Variants in LIG3 observed in about 807,000 individuals in gnomAD.
LIG3 encodes ligase II, DNA, ATP-dependent.
A neutral mutation model predicts 110.9 loss-of-function variants in LIG3; 58 were observed. The ratio of observed to expected loss-of-function variants is 0.52; its 90% CI spans 0.42 to 0.65. The LOEUF is 0.65. Among genes scored for constraint, LIG3 ranks in the 30% least tolerant of loss-of-function variants. LIG3 has a pLI of 0.00. For missense variants in LIG3, 1,094 were observed against 1,273.8 expected, an observed-to-expected ratio of 0.86 and a Z score of 2.15; for synonymous variants, 422 against 472.8, an observed-to-expected ratio of 0.89 and a Z score of 1.39.
intron 9 of LIG3, 60 bp from the exon 10 acceptor site, chr17:34,996,004 C>G: frequency 6.4e-7 from 1 of 1,573,682 alleles, no homozygotes; most frequent in Non-Finnish European, 8.6e-7. Context: ...CCCTCCATGG[C>G]ATGGTTTGAG....
chr17:34,998,657 G>A lies in LIG3; in HGVS notation c.2043G>A (p.Leu681=). The change falls in exon 14 of 20, where the codon TTG becomes TTA. Residue 681 remains leucine (L), a synonymous_variant. Coordinates refer to ENST00000378526, the MANE Select transcript of LIG3 (RefSeq NM_013975.4). ...GGCTGAAAGTGAAGAAAGACTATTT[G>A]AACGAGGGGGCCATGGCCGACACAG... The part of the protein sequence containing the change: ...RHWLKVKKDY[L]NEGAMADTAD... 6.2e-7 allele frequency: 1 copy of A among 1,614,206 alleles called. No individual in the cohort carries two copies. Among genetic ancestry groups the A allele is most frequent in the Non-Finnish European group, 8.5e-7 (1 of 1,180,032 alleles).
rs2090885197 is a variant in LIG3 at position 35,005,133 on chromosome 17, A to G, written c.*627A>G. 2.8e-6 allele frequency: 1 copy of G among 356,592 alleles called. No individual in the cohort carries two copies. Among genetic ancestry groups the G allele is most frequent in the Non-Finnish European group, 5.5e-6 (1 of 180,482 alleles). The allele number at this position is 356,592 out of a possible 1,614,324, so 22.1% of individuals were successfully genotyped here. A position where few individuals can be genotyped will look rare whatever the true frequency, so the allele number is the denominator to read the frequency against. ...AGGGAGGGGACTAGGGTCAGGTAGG[A>G]AAATGGGGCCTTTATGAAGAAAGGG... On this transcript the variant is annotated 3_prime_UTR_variant, in exon 20 of 20. Transcript: ENST00000378526.
intron 4 of LIG3, among the ~76,000 whole-genome samples, chr17:34,990,454 AT>A (rs1292126556): frequency 2.0e-5 from 3 of 152,036 alleles, no homozygotes; most frequent in Non-Finnish European, 4.4e-5. Flanking sequence ...TAATTTTTGT[AT>A]TTTTTGTAGA....
At position 34,991,727 on chromosome 17, in the gene LIG3, A is replaced by T. The variant is rs146011862; in HGVS notation, c.1098A>T (p.Pro366=). 4.3e-6 allele frequency: 7 copies of T among 1,613,928 alleles called. No homozygotes were observed. The highest frequency in any genetic ancestry group is 1.3e-5 in the African/African-American group (1 of 75,004). The change falls in exon 6 of 20, where the codon CCA becomes CCT. Residue 366 remains proline (P), a synonymous_variant. Transcript: ENST00000378526. The stretch of plus-strand genomic sequence containing the variant: ...TTGAGCAGAGCAAGTCTTTCCCCCC[A>T]GCTGCCAAGAGCCTCCTTACCATCC... The part of the protein sequence containing the change: ...VFFEQSKSFP[P]AAKSLLTIQE...
In LIG3 at chr17:35,005,422, C is replaced by T. The variant is rs540131830; in HGVS notation, c.*916C>T. ...TGTATGCTCTGGTGGTGGTGTCTTACTTCCTCATGACTGGAGGAATAATTA... is the reference window on the plus strand; with the variant it reads ...TGTATGCTCTGGTGGTGGTGTCTTATTTCCTCATGACTGGAGGAATAATTA... On this transcript the variant is annotated 3_prime_UTR_variant, in exon 20 of 20. Transcript: ENST00000378526. 3.6e-6 allele frequency: 2 copies of T among 560,234 alleles called. No homozygotes were observed. The highest frequency in any genetic ancestry group is 3.8e-5 in the African/African-American group (2 of 52,980). The allele number at this position is 560,234 out of a possible 1,614,324, so 34.7% of individuals were successfully genotyped here.
In LIG3 at chr17:35,004,278, G is replaced by C. The variant is rs2090876117; in HGVS notation, c.2802G>C (p.Leu934Phe). 6.2e-7 allele frequency: 1 copy of C among 1,613,822 alleles called. No homozygotes were observed. Among genetic ancestry groups the C allele is most frequent in the African/African-American group, 1.3e-5 (1 of 74,896 alleles). ...TGACCCCTCTGCATTTGCAGGTATT[G>C]CTGGACATCTTCACTGGGGTGCGGC... ...ADETLCQTKV[L>F]LDIFTGVRLY... The change falls in exon 20 of 20, where the codon TTG becomes TTC. Residue 934 changes from leucine to phenylalanine, a missense_variant. Transcript: ENST00000378526.
intron 19 of LIG3, chr17:35,003,232 C>G: frequency 7.3e-7 from 1 of 1,370,588 alleles, no homozygotes; most frequent in Non-Finnish European, 9.8e-7. Flanking sequence ...GGTGACTCTC[C>G]TCCCACCTGA....
Position 34,992,644 on chromosome 17 carries a change from A to G in LIG3, c.1407A>G (p.Arg469=), listed in dbSNP as rs1222645874. The change falls in exon 8 of 20, where the codon CGA becomes CGG. Residue 469 remains arginine (R), a synonymous_variant. Coordinates refer to ENST00000378526, the MANE Select transcript of LIG3 (RefSeq NM_013975.4). ...TGGAGAAGGAGCCGGGCCAGAGACG[A>G]GCTCTGAGCGTCCAGGCCTCGCTGA... ...QEVEKEPGQR[R]ALSVQASLMT... 1.9e-6 allele frequency: 3 copies of G among 1,613,088 alleles called. No individual in the cohort carries two copies.
rs1274636982 is a variant in LIG3 at position 35,009,668 on chromosome 17, G to A, written c.*5162G>A. On this transcript the variant is annotated 3_prime_UTR_variant, in exon 20 of 20. Coordinates refer to ENST00000378526, the MANE Select transcript of LIG3 (RefSeq NM_013975.4). ...CCAAAAGGGGATAAAAGATTTAAAGGCAAAATGAGTAAACAACCTCAGTTT... is the reference window on the plus strand; with the variant it reads ...CCAAAAGGGGATAAAAGATTTAAAGACAAAATGAGTAAACAACCTCAGTTT... The A allele has an allele frequency of 6.6e-6, 1 of 151,838 alleles. No individual in the cohort carries two copies. The highest frequency in any genetic ancestry group is 1.5e-5 in the Non-Finnish European group (1 of 67,998). The allele number at this position is 151,838 out of a possible 1,614,324, so 9.4% of individuals were successfully genotyped here. A position where few individuals can be genotyped will look rare whatever the true frequency, so the allele number is the denominator to read the frequency against.
intron 3 of LIG3, among the ~76,000 whole-genome samples, chr17:34,987,923 G>A (rs575755422): frequency 3.9e-5 from 6 of 152,094 alleles, no homozygotes; most frequent in East Asian, 1.9e-4. Context: ...GGCCGGGCGC[G>A]GTGGCTCACA....
rs2090907363 is a variant in LIG3 at position 35,007,927 on chromosome 17, G to A, written c.*3421G>A. ...GCTAAGTTTTTGTATTTTTAGTAGA[G>A]ACCACGTTTCGCCATGTTGTCCAGA... On this transcript the variant is annotated 3_prime_UTR_variant, in exon 20 of 20. Transcript: ENST00000378526. 1.3e-5 allele frequency: 2 copies of A among 152,128 alleles called. No individual in the cohort carries two copies. The highest frequency in any genetic ancestry group is 2.9e-5 in the Non-Finnish European group (2 of 68,046). 9.4% of individuals were successfully genotyped at this position (152,128 alleles called of 1,614,324 possible).
chr17:34,996,527 A>G (rs2090779747), intron 10 of LIG3, 47 bp from the exon 11 acceptor site: 1 of 1,471,532 alleles, frequency 6.8e-7, no homozygotes, highest in Non-Finnish European at 9.5e-7. Context: ...ATTTTTTCAC[A>G]CTGACTTTTG....
At chr17:34,982,712 T>C (rs956198730) in intron 1 of LIG3, among the ~76,000 whole-genome samples, 24 of 152,028 alleles carry the variant, frequency 1.6e-4, no homozygotes, top group Non-Finnish European at 4.4e-5. Flanking sequence ...ATTATGAGTA[T>C]CATATGTTGC....
intron 18 of LIG3, 77 bp downstream of exon 18, chr17:35,002,181 C>T: frequency 8.1e-7 from 1 of 1,239,668 alleles, no homozygotes; most frequent in Non-Finnish European, 1.1e-6. Context: ...GACCCAGTCT[C>T]ACATTCCAGC....
In LIG3 at chr17:34,992,582, G is replaced by T; in HGVS notation, c.1345G>T (p.Asp449Tyr). 6.2e-7 allele frequency: 1 copy of T among 1,613,814 alleles called. No individual in the cohort carries two copies. Among genetic ancestry groups the T allele is most frequent in the Non-Finnish European group, 8.5e-7 (1 of 1,179,878 alleles). Residue 449 changes from aspartate (D) to tyrosine (Y), a missense_variant, in exon 8 of 20, where the codon GAT (aspartate) becomes TAT (tyrosine). Transcript: ENST00000378526. ...CTTCAAAGCCTCGCGCAACCTGCAG[G>T]ATGTGGTGGAGCGGGTCCTTCACAA... ...EAFKASRNLQ[D>Y]VVERVLHNAQ...
Position 35,006,820 on chromosome 17 carries a change from C to CG in LIG3, c.*2314_*2315insG, listed in dbSNP as rs1397807429. 1 of 152,532 alleles carries CG rather than the reference C, an allele frequency of 6.6e-6. No homozygotes were observed. The highest frequency in any genetic ancestry group is 1.5e-5 in the Non-Finnish European group (1 of 68,396). 9.4% of individuals were successfully genotyped at this position (152,532 alleles called of 1,614,324 possible). A position where few individuals can be genotyped will look rare whatever the true frequency, so the allele number is the denominator to read the frequency against. ...GCCCCCTGGCCACCCCACCGCCCCCCCCCAACTTTGATCTGATTGACTTTG... is the reference window on the plus strand; with the variant it reads ...GCCCCCTGGCCACCCCACCGCCCCCCGCCCAACTTTGATCTGATTGACTTTG... On this transcript the variant is annotated 3_prime_UTR_variant, in exon 20 of 20. Transcript: ENST00000378526.
rs1367606037 is a variant in LIG3, at chr17:34,989,525, T to A, written c.751T>A (p.Ser251Thr). 1 of 1,614,046 alleles carries A rather than the reference T, an allele frequency of 6.2e-7. No homozygotes were observed. Among genetic ancestry groups the A allele is most frequent in the East Asian group, 2.2e-5 (1 of 44,832 alleles). ...SSPTPKRSLS[S>T]SKCDPRHKDC... ...CCCCACCCCTAAGAGAAGTCTGTCT[T>A]CAAGCAAATGTGACCCCAGGCATAA... The change falls in exon 4 of 20, where the codon TCA becomes ACA. Residue 251 changes from serine to threonine, a missense_variant. Physicochemically the swap from Ser to Thr is moderately conservative, Grantham distance 58 (BLOSUM62 1). Transcript: ENST00000378526.
chr17:34,992,708 C>A lies in LIG3; in HGVS notation c.1455+16C>A. On this transcript the variant is annotated intron_variant, in intron 8 of 19. Transcript: ENST00000378526. ...GCCCATGTTGGTGAGGAGTGCTCCC[C>A]TGCCTCTGCTTTCCAGCCTCTCCAA... 6.4e-7 allele frequency: 1 copy of A among 1,550,458 alleles called. No individual in the cohort carries two copies.
intron 7 of LIG3, 94 bp from the exon 8 acceptor site, chr17:34,992,430 G>A: frequency 7.6e-7 from 1 of 1,311,826 alleles, no homozygotes; most frequent in Non-Finnish European, 1.1e-6. Flanking sequence ...CCCTACAGAT[G>A]AGGATTTCTT....
Sources: allele counts gnomAD v4.1 joint callset (sites outside exome capture counted in the v4.1 genomes callset), GRCh38; gene constraint gnomAD v4.1.1; transcripts MANE v1.5; gene names NCBI Gene and HGNC (gene_info 2026-07-23, HGNC 2026-07-21).